Variants in SLC39A8 observed in about 807,000 individuals in gnomAD.
SLC39A8 encodes metal cation symporter ZIP8.
Under a neutral mutation model 40.4 loss-of-function variants are expected in SLC39A8, and 15 were observed. The ratio of observed to expected loss-of-function variants is 0.37; its 90% CI spans 0.25 to 0.57. The LOEUF (loss-of-function observed/expected upper bound fraction) is 0.57. SLC39A8 is among the 20% of genes least tolerant of loss of function. The pLI is 0.75. For missense variants in SLC39A8, 472 were observed against 558.8 expected, an observed-to-expected ratio of 0.84 and a Z score of 1.57; for synonymous variants, 223 against 221.6, an observed-to-expected ratio of 1.01 and a Z score of -0.06.
At chr4:102,316,951 G>A (rs1423381148) in intron 2 of SLC39A8, among the ~76,000 whole-genome samples, 3 of 152,162 alleles carry the variant, frequency 2.0e-5, no homozygotes, top group African/African-American at 7.2e-5. Flanking sequence ...ATGAGGAAGC[G>A]AGAAAATGCT....
At chr4:102,283,793 G>T (rs1733020500) in intron 6 of SLC39A8, among the ~76,000 whole-genome samples, 1 of 152,166 alleles carries the variant, frequency 6.6e-6, no homozygotes, top group Admixed American at 6.5e-5. Context: ...CTTTGAAGAA[G>T]AATTTCTATC....
intron 11 of SLC39A8, among the ~76,000 whole-genome samples, chr4:102,256,135 A>C (rs147924475): frequency 6.6e-6 from 1 of 152,344 alleles, no homozygotes; most frequent in East Asian, 1.9e-4. Context: ...AACACCATTA[A>C]GGTTAGCACA....
chr4:102,300,793 T>C (rs1022826985), intron 6 of SLC39A8, among the ~76,000 whole-genome samples: 3 of 151,796 alleles, frequency 2.0e-5, no homozygotes, highest in Non-Finnish European at 2.9e-5. Flanking sequence ...TAATATAAAA[T>C]ATTAGAAAGT....
At chr4:102,342,682 A>G (rs1735997147) in intron 2 of SLC39A8, among the ~76,000 whole-genome samples, 1 of 152,228 alleles carries the variant, frequency 6.6e-6, no homozygotes, top group African/African-American at 2.4e-5. Flanking sequence ...GTGTCAAGAT[A>G]CATATAATTT....
intron 4 of SLC39A8, among the ~76,000 whole-genome samples, chr4:102,305,451 G>A (rs544467053): frequency 9.2e-5 from 14 of 152,034 alleles, no homozygotes; most frequent in African/African-American, 2.4e-4. Context: ...TTTAGAATAC[G>A]ATATTAGGTC....
intron 6 of SLC39A8, among the ~76,000 whole-genome samples, chr4:102,304,111 ATTTC>A (rs1237721717): frequency 6.6e-6 from 1 of 151,874 alleles, no homozygotes; most frequent in East Asian, 1.9e-4. Context: ...GTGATCCACA[ATTTC>A]TTTCTTAACT....
chr4:102,323,266 G>A (rs980368043), intron 2 of SLC39A8, among the ~76,000 whole-genome samples: 6 of 152,214 alleles, frequency 3.9e-5, no homozygotes, highest in African/African-American at 1.4e-4. Context: ...TCTGAGTCAG[G>A]TATTCCAGTA....
At chr4:102,330,102 T>C (rs1735387288) in intron 2 of SLC39A8, among the ~76,000 whole-genome samples, 2 of 151,898 alleles carry the variant, frequency 1.3e-5, no homozygotes, top group Admixed American at 1.3e-4. Flanking sequence ...AACATCACAA[T>C]TAAAAGAACT....
intron 2 of SLC39A8, among the ~76,000 whole-genome samples, chr4:102,323,627 C>T (rs867107965): frequency 7.2e-5 from 11 of 152,330 alleles, no homozygotes; most frequent in Non-Finnish European, 1.3e-4. Context: ...ATAATATATG[C>T]TTAACACGTA....
rs538732266 is a variant in SLC39A8, at chr4:102,327,443, C to T, written c.220-11613G>A. The stretch of plus-strand genomic sequence containing the variant: ...ACTGTGACTTTGCATCTCCCATGAC[C>T]CCTGCCTAGAATATGATACATCTCC... On this transcript the variant is annotated intron_variant, in intron 2 of 8. Coordinates refer to ENST00000356736, the MANE Select transcript of SLC39A8 (RefSeq NM_001135146.2). 9.9e-5 allele frequency among the ~76,000 whole-genome samples: 15 copies of T among 152,222 alleles called. No homozygotes were observed. In the East Asian group the frequency reaches 2.7e-3, roughly 27 times the overall value.
intron 6 of SLC39A8, among the ~76,000 whole-genome samples, chr4:102,288,064 C>T (rs1733259453): frequency 6.6e-6 from 1 of 152,100 alleles, no homozygotes; most frequent in Non-Finnish European, 1.5e-5. Context: ...CTGCACTTCA[C>T]TTTATTGTGC....
At chr4:102,256,988 G>A (rs905348053), downstream of SLC39A8, among the ~76,000 whole-genome samples, 29 of 152,302 alleles carry the variant, frequency 1.9e-4, no homozygotes, top group African/African-American at 6.7e-4. Flanking sequence ...AAAACCAAAG[G>A]AGGGGAATCT....
At chr4:102,322,187 T>C (rs763815867) in intron 2 of SLC39A8, among the ~76,000 whole-genome samples, 1 of 152,176 alleles carries the variant, frequency 6.6e-6, no homozygotes, top group Non-Finnish European at 1.5e-5. Context: ...CCACTAGTCC[T>C]GCTGTGAGTC....
rs143717924 is a variant in SLC39A8, at chr4:102,281,935, T to C, written c.841-13856A>G. On this transcript the variant is annotated intron_variant, in intron 6 of 8. Coordinates refer to ENST00000356736, the MANE Select transcript of SLC39A8 (RefSeq NM_001135146.2). ...GCACAGAGCAGTAGTGATAATAATA[T>C]TTATAGTAATAACAGAGCCTCCTGC... Among the ~76,000 whole-genome samples, 21 of 152,300 alleles carry C rather than the reference T, an allele frequency of 1.4e-4. No individual in the cohort carries two copies. The East Asian group carries it at 4.0e-3, about 29-fold the overall frequency.
intron 6 of SLC39A8, among the ~76,000 whole-genome samples, chr4:102,284,096 A>T (rs1369715592): frequency 6.6e-6 from 1 of 152,212 alleles, no homozygotes; most frequent in African/African-American, 2.4e-5. Context: ...ACATTTTAAA[A>T]TTTATTTTTG....
At chr4:102,253,452 C>A in intron 11 of SLC39A8, 1 of 712,786 alleles carries the variant, frequency 1.4e-6, no homozygotes, top group Non-Finnish European at 2.6e-6. Context: ...AGAGAAGGAA[C>A]ATAGTAAAGT....
intron 5 of SLC39A8, 119 bp from the exon 6 acceptor site, chr4:102,304,600 G>C: frequency 1.4e-6 from 1 of 724,174 alleles, no homozygotes; most frequent in East Asian, 2.9e-5. Context: ...TATTCTATGT[G>C]TAAAGAAGTA....
intron 6 of SLC39A8, among the ~76,000 whole-genome samples, chr4:102,279,630 G>A (rs1375375298): frequency 1.3e-5 from 2 of 152,116 alleles, no homozygotes; most frequent in African/African-American, 4.8e-5. Flanking sequence ...ATTGTCGATG[G>A]GGGGGCCCTA....
intron 3 of SLC39A8, among the ~76,000 whole-genome samples, chr4:102,313,789 A>G (rs543860835): frequency 2.0e-5 from 3 of 151,998 alleles, no homozygotes; most frequent in Admixed American, 2.0e-4. Flanking sequence ...GGGTCTCACT[A>G]TGTTTCCCAG....
Sources: gnomAD v4.1 joint callset for allele counts (sites outside exome capture counted in the v4.1 genomes callset) on GRCh38, gnomAD v4.1.1 for gene constraint, MANE v1.5 for transcripts, NCBI Gene and HGNC (gene_info 2026-07-23, HGNC 2026-07-21) for gene names.